Variants in NBAS observed in about 807,000 individuals in gnomAD.
NBAS encodes the protein NBAS subunit of NRZ tethering complex, also known as NAG/BC035112 fusion.
NBAS carries 219 observed loss-of-function variants against 302.5 expected under a neutral mutation model. The observed-to-expected ratio is 0.72, with a 90% CI of 0.65 to 0.81. NBAS has a LOEUF of 0.81. NBAS is among the 30% of genes least tolerant of loss of function. NBAS has a pLI of 0.00. For missense variants in NBAS, 2,932 were observed against 2,841.6 expected, an observed-to-expected ratio of 1.03 and a Z score of -0.72; for synonymous variants, 1,118 against 1,021.6, an observed-to-expected ratio of 1.09 and a Z score of -1.80.
intron 51 of NBAS, among the ~76,000 whole-genome samples, chr2:15,172,938 C>T (rs1664362931): frequency 6.6e-6 from 1 of 152,168 alleles, no homozygotes; most frequent in Non-Finnish European, 1.5e-5. Context: ...CCAGTTTCCA[C>T]ATCAGAAATA....
the NBAS span, among the ~76,000 whole-genome samples, chr2:15,090,169 C>T: frequency 1.4e-4 from 21 of 152,252 alleles, no homozygotes; most frequent in East Asian, 7.7e-4. Context: ...CCATTTGCTA[C>T]GTGTGTGTCT....
At chr2:15,060,007 G>A in the NBAS span, among the ~76,000 whole-genome samples, 9 of 147,514 alleles carry the variant, frequency 6.1e-5, no homozygotes, top group East Asian at 4.0e-4. Context: ...TAGAAGTGTC[G>A]TCATTTAACA....
the NBAS span, among the ~76,000 whole-genome samples, chr2:14,849,748 A>C: frequency 4.2e-4 from 61 of 143,620 alleles, no homozygotes; most frequent in East Asian, 0.01. Context: ...GAAACCCTAC[A>C]AGCCAGAAGA....
rs781661447 is a variant in NBAS, at chr2:15,383,168, T to A, written c.3360+47A>T. 6 of 1,433,082 alleles carry A rather than the reference T, an allele frequency of 4.2e-6. No homozygotes were observed. In the South Asian group the frequency reaches 7.1e-5, roughly 17 times the overall value. 88.8% of individuals were successfully genotyped at this position (1,433,082 alleles called of 1,614,324 possible). ...TCTTGTATCCAATAAACCATAACAA[T>A]TAAAATTGTTAAATTAAAAAAAAAT... is the stretch of plus-strand genomic sequence containing the variant. On this transcript the variant is annotated intron_variant, in intron 29 of 51. Transcript: ENST00000281513.
the NBAS span, among the ~76,000 whole-genome samples, chr2:14,881,288 A>G: frequency 2.0e-5 from 3 of 152,346 alleles, 1 homozygote; most frequent in Non-Finnish European, 2.9e-5. Context: ...GTTCTAATTC[A>G]TAAGTAGGAA....
At chr2:15,121,031 G>C in the NBAS span, among the ~76,000 whole-genome samples, 1 of 152,004 alleles carries the variant, frequency 6.6e-6, no homozygotes, top group East Asian at 1.9e-4. Flanking sequence ...TTTTCACTCA[G>C]CCAATAGTTT....
chr2:15,298,094 C>T (rs1670632054), intron 40 of NBAS, among the ~76,000 whole-genome samples: 1 of 152,064 alleles, frequency 6.6e-6, no homozygotes, highest in Non-Finnish European at 1.5e-5. Flanking sequence ...TATGTAATCC[C>T]AGCACTTTGG....
intron 9 of NBAS, among the ~76,000 whole-genome samples, chr2:15,531,586 G>A (rs1663217485): frequency 6.6e-6 from 1 of 152,084 alleles, no homozygotes; most frequent in South Asian, 2.1e-4. Flanking sequence ...TTACCAGGTG[G>A]GTCTTACTAT....
chr2:14,974,289 A>G, the NBAS span, among the ~76,000 whole-genome samples: 7 of 152,218 alleles, frequency 4.6e-5, no homozygotes, highest in East Asian at 1.2e-3. Flanking sequence ...ACCAACCCCA[A>G]TGAATAAATG....
rs1287380313 is a variant in NBAS at position 15,330,734 on chromosome 2, G to C, written c.4211C>G (p.Ala1404Gly). ...DEVGVPGSNSADLLRWTTATT... is the reference protein window; with the variant it reads ...DEVGVPGSNSGDLLRWTTATT... ...AGCAGTGGTCCAGCGCAATAGGTCA[G>C]CTGAATTGCTACCTGGAACACCTAC... is the stretch of plus-strand genomic sequence containing the variant. The change falls in exon 36 of 52, where the codon GCT (alanine) becomes GGT (glycine). Residue 1404 changes from alanine (A) to glycine (G), a missense_variant. Physicochemically the swap from Ala to Gly is moderately conservative, Grantham distance 60. Transcript: ENST00000281513. 6.2e-7 allele frequency: 1 copy of C among 1,613,912 alleles called. No homozygotes were observed. The highest frequency in any genetic ancestry group is 8.5e-7 in the Non-Finnish European group (1 of 1,179,948).
chr2:15,401,905 T>A (rs1424487317), intron 26 of NBAS, among the ~76,000 whole-genome samples: 2 of 150,994 alleles, frequency 1.3e-5, no homozygotes, highest in Non-Finnish European at 3.0e-5. Flanking sequence ...GGTATTTTTG[T>A]TTTTCAATAG....
the NBAS span, among the ~76,000 whole-genome samples, chr2:15,047,971 A>G: frequency 0.014 from 2,180 of 152,362 alleles, 39 homozygotes; most frequent in African/African-American, 0.043. Flanking sequence ...TGCCTGGCTC[A>G]CAGTATGAAA....
chr2:15,104,359 T>C, the NBAS span, among the ~76,000 whole-genome samples: 1 of 152,172 alleles, frequency 6.6e-6, no homozygotes, highest in Non-Finnish European at 1.5e-5. Context: ...CAATAGGCCT[T>C]GTAACTATGC....
At chr2:15,281,778 A>C (rs531973165) in intron 42 of NBAS, among the ~76,000 whole-genome samples, 9 of 152,218 alleles carry the variant, frequency 5.9e-5, no homozygotes, top group Non-Finnish European at 1.3e-4. Flanking sequence ...AAACATACCA[A>C]AATGCATTTT....
chr2:14,851,620 A>C, the NBAS span, among the ~76,000 whole-genome samples: 82 of 120,530 alleles, frequency 6.8e-4, no homozygotes, highest in Non-Finnish European at 8.0e-4. Flanking sequence ...TGGCAGAGAC[A>C]CAACCAAAAA....
chr2:14,795,226 G>A, the NBAS span, among the ~76,000 whole-genome samples: 4 of 152,158 alleles, frequency 2.6e-5, no homozygotes, highest in Admixed American at 6.5e-5. Flanking sequence ...CACTAGCAGT[G>A]TAAGATAGTT....
chr2:15,490,273 G>A (rs1407775684), intron 11 of NBAS, among the ~76,000 whole-genome samples: 1 of 152,110 alleles, frequency 6.6e-6, no homozygotes, highest in Non-Finnish European at 1.5e-5. Flanking sequence ...AACAATTTCA[G>A]GAGGTCAGGA....
intron 5 of NBAS, among the ~76,000 whole-genome samples, chr2:15,552,232 T>C (rs1204805327): frequency 1.3e-5 from 2 of 152,196 alleles, no homozygotes; most frequent in African/African-American, 4.8e-5. Flanking sequence ...AAAACTGGTA[T>C]GGTCTCATTT....
At chr2:15,466,674 A>G (rs1200886475) in intron 19 of NBAS, among the ~76,000 whole-genome samples, 2 of 152,338 alleles carry the variant, frequency 1.3e-5, no homozygotes, top group East Asian at 3.9e-4. Context: ...ATAGTGGCTC[A>G]CACCTGTAAT....
Sources: gnomAD v4.1 joint callset for allele counts (sites outside exome capture counted in the v4.1 genomes callset) on GRCh38, gnomAD v4.1.1 for gene constraint, MANE v1.5 for transcripts, NCBI Gene and HGNC (gene_info 2026-07-23, HGNC 2026-07-21) for gene names.